MYO7B: variants seen among roughly 807,000 people sequenced by gnomAD.
MYO7B encodes myosin VIIB.
Under a neutral mutation model 259.7 loss-of-function variants are expected in MYO7B, and 212 were observed. That is an observed-to-expected ratio of 0.82 (90% CI 0.73 to 0.91). MYO7B has a LOEUF of 0.91. Ranked by LOEUF, MYO7B falls within the 40% of genes least tolerant of loss-of-function variation. The pLI is 0.00. For missense variants in MYO7B, 2,732 were observed against 2,813.5 expected, an observed-to-expected ratio of 0.97 and a Z score of 0.66; for synonymous variants, 1,197 against 1,166.4, an observed-to-expected ratio of 1.03 and a Z score of -0.54.
chr2:127,588,324 C>T (rs1403155822), intron 14 of MYO7B, 68 bp from the exon 15 acceptor site: 1 of 1,565,130 alleles, frequency 6.4e-7, no homozygotes, highest in Non-Finnish European at 8.7e-7. Flanking sequence ...CCACACTGCC[C>T]TCTTCTTCCC....
intron 15 of MYO7B, among the ~76,000 whole-genome samples, chr2:127,589,129 A>G (rs1253601755): frequency 1.2e-5 from 1 of 84,386 alleles, no homozygotes; most frequent in Admixed American, 1.4e-4. Flanking sequence ...GTGAATGGAT[A>G]GATGGATGGG....
chr2:127,634,842 C>A, intron 42 of MYO7B, 159 bp downstream of exon 42: 1 of 717,238 alleles, frequency 1.4e-6, no homozygotes, highest in South Asian at 1.8e-5. Context: ...CGGTGAGGGC[C>A]AGCTCAGGCA....
At chr2:127,606,512 G>T (rs1330479609) in intron 20 of MYO7B, among the ~76,000 whole-genome samples, 1 of 152,216 alleles carries the variant, frequency 6.6e-6, no homozygotes, top group Non-Finnish European at 1.5e-5. Flanking sequence ...GTTCCTTGGG[G>T]CCTGTTGCTT....
chr2:127,622,872 C>T (rs1357603712), intron 28 of MYO7B, among the ~76,000 whole-genome samples: 1 of 152,228 alleles, frequency 6.6e-6, no homozygotes, highest in East Asian at 1.9e-4. Flanking sequence ...GAGGTGAAGT[C>T]ACTGAACCAC....
intron 24 of MYO7B, 110 bp downstream of exon 24, chr2:127,610,126 G>A: frequency 7.0e-7 from 1 of 1,424,980 alleles, no homozygotes; most frequent in Non-Finnish European, 9.4e-7. Context: ...CTGGAGCCCT[G>A]TCCTCAGCCT....
At position 127,624,257 on chromosome 2, in the gene MYO7B, C is replaced by T. The variant is rs1243197505; in HGVS notation, c.3984C>T (p.Ser1328=). The T allele has an allele frequency of 2.5e-6, 4 of 1,595,702 alleles. No homozygotes were observed. Among genetic ancestry groups the T allele is most frequent in the Non-Finnish European group, 3.4e-6 (4 of 1,171,922 alleles). ...PWHDSREDPV[S]TELIYRQVLR... is the part of the protein sequence containing the mutation. The stretch of plus-strand genomic sequence containing the variant: ...ACGACTCCCGGGAGGACCCTGTCAG[C>T]ACCGAGCTTATTTACCGCCAAGTCC... Residue 1328 remains serine (S), a synonymous_variant, in exon 30 of 48, where the codon AGC becomes AGT. Coordinates refer to ENST00000409816, the MANE Select transcript of MYO7B (RefSeq NM_001393586.1).
Position 127,576,077 on chromosome 2 carries a change from T to C in MYO7B, c.736-518T>C, listed in dbSNP as rs763465597. On this transcript the variant is annotated intron_variant, in intron 7 of 47. Coordinates refer to ENST00000409816, the MANE Select transcript of MYO7B (RefSeq NM_001393586.1). The surrounding 1 kb of genome is among the most constrained non-coding windows in gnomAD (Gnocchi z 4.9). ...AGCCGGACGTGGTGGTGTGTGCCTGTGATCTTAGCTACTTGGTAGGCTGAG... is the reference window on the plus strand; with the variant it reads ...AGCCGGACGTGGTGGTGTGTGCCTGCGATCTTAGCTACTTGGTAGGCTGAG... 1.3e-5 allele frequency among the ~76,000 whole-genome samples: 2 copies of C among 152,134 alleles called. No homozygotes were observed. The highest frequency in any genetic ancestry group is 2.9e-5 in the Non-Finnish European group (2 of 68,018).
intron 26 of MYO7B, among the ~76,000 whole-genome samples, 153 bp downstream of exon 26, chr2:127,612,756 C>T (rs1057452709): frequency 2.0e-5 from 3 of 152,218 alleles, no homozygotes; most frequent in African/African-American, 7.2e-5. Context: ...GTCATAGCTA[C>T]CGAGGGTTCT....
intron 19 of MYO7B, among the ~76,000 whole-genome samples, chr2:127,603,044 T>G (rs1258101508): frequency 6.6e-6 from 1 of 152,132 alleles, no homozygotes; most frequent in Admixed American, 6.6e-5. Context: ...AGTTTTATCA[T>G]GAAATTGCAG....
chr2:127,555,562 T>C (rs1434557207), intron 1 of MYO7B, among the ~76,000 whole-genome samples: 1 of 152,232 alleles, frequency 6.6e-6, no homozygotes, highest in South Asian at 2.1e-4. Flanking sequence ...TAGCATTGCC[T>C]TTGCTGTATC....
chr2:127,567,508 G>T (rs1678405795), intron 5 of MYO7B, among the ~76,000 whole-genome samples: 1 of 152,204 alleles, frequency 6.6e-6, no homozygotes, highest in South Asian at 2.1e-4. Context: ...GGAGGGGAGG[G>T]TGTGGCAGGC....
At position 127,577,160 on chromosome 2, in the gene MYO7B, C is replaced by T. The variant is rs539396102; in HGVS notation, c.849+452C>T. ...ACCTAGGACAGGGCGGCACCACAGC[C>T]ATCGCTCATTAGCTGAGGCTCCCTG... On this transcript the variant is annotated intron_variant, in intron 8 of 47. Coordinates refer to ENST00000409816, the MANE Select transcript of MYO7B (RefSeq NM_001393586.1). The surrounding 1 kb of genome is among the most constrained non-coding windows in gnomAD (Gnocchi z 5.2). Among the ~76,000 whole-genome samples the T allele has an allele frequency of 2.0e-5, 3 of 152,304 alleles. No homozygotes were observed. Among genetic ancestry groups the T allele is most frequent in the Non-Finnish European group, 2.9e-5 (2 of 68,018 alleles).
Position 127,609,934 on chromosome 2 carries a change from G to T in MYO7B, c.3110G>T (p.Gly1037Val), listed in dbSNP as rs376482453. 14 of 1,608,856 alleles carry T rather than the reference G, an allele frequency of 8.7e-6. No individual in the cohort carries two copies. In the South Asian group the frequency reaches 1.5e-4, roughly 18 times the overall value. The change falls in exon 24 of 48, where the codon GGC becomes GTC. Residue 1037 changes from glycine to valine, a missense_variant. This residue lies in a region of MYO7B where 1,906 missense variants were observed against 2,026.4 expected (regional missense o/e 0.94). Coordinates refer to ENST00000409816, the MANE Select transcript of MYO7B (RefSeq NM_001393586.1). This position sits in a 1 kb window ranked among gnomAD's most constrained non-coding sequence, Gnocchi z 6.9. ...CTGTATGCCAGGAGCAGCCAGCAGG[G>T]CAGCTCAGTGATGCGGCAGATCCAT... Reference protein sequence around the residue: ...PVLYARSSQQGSSVMRQIHDT... With the variant: ...PVLYARSSQQVSSVMRQIHDT...
At chr2:127,565,407 T>A (rs1678291349) in intron 4 of MYO7B, 22 bp downstream of exon 4, 1 of 1,611,720 alleles carries the variant, frequency 6.2e-7, no homozygotes, top group African/African-American at 1.3e-5. Context: ...CAGCCCTGTG[T>A]CCACAGGGGA....
At position 127,609,796 on chromosome 2, in the gene MYO7B, G is replaced by A; in HGVS notation, c.3025-53G>A. On this transcript the variant is annotated intron_variant, in intron 23 of 47. Coordinates refer to ENST00000409816, the MANE Select transcript of MYO7B (RefSeq NM_001393586.1). This position sits in a 1 kb window ranked among gnomAD's most constrained non-coding sequence, Gnocchi z 6.9. ...AGCTATGGCTCGGGGAAAGAAGGAA[G>A]GGGCCATAGTCACTGATGGGTTCCC... The A allele has an allele frequency of 6.2e-7, 1 of 1,611,382 alleles. No individual in the cohort carries two copies. The highest frequency in any genetic ancestry group is 8.5e-7 in the Non-Finnish European group (1 of 1,177,742).
At chr2:127,555,282 G>A (rs1227877033) in intron 1 of MYO7B, among the ~76,000 whole-genome samples, 1 of 152,044 alleles carries the variant, frequency 6.6e-6, no homozygotes. Context: ...CTCTCTTCTT[G>A]GTTAATCTTG....
In MYO7B at chr2:127,636,477, A is replaced by G; in HGVS notation, c.6124-68A>G. The G allele has an allele frequency of 6.6e-7, 1 of 1,509,210 alleles. No homozygotes were observed. The highest frequency in any genetic ancestry group is 1.2e-5 in the South Asian group (1 of 85,380). The allele number at this position is 1,509,210 out of a possible 1,614,324, so 93.5% of individuals were successfully genotyped here. ...ATGTGTGTATGTGCGTGTGGCCTAG[A>G]TGAGCTCCTGGGAGGTGCAGCCTGG... On this transcript the variant is annotated intron_variant, in intron 45 of 47. Transcript: ENST00000409816. This position sits in a 1 kb window ranked among gnomAD's most constrained non-coding sequence, Gnocchi z 4.5.
rs1553448471 is a variant in MYO7B, at chr2:127,571,442, G to GTTTTTTTTTTGTTTT, written c.592+1542_592+1543insGTTTTTTTTTTTTTT. On this transcript the variant is annotated intron_variant, in intron 6 of 47. Transcript: ENST00000409816. ...AATTGGTCTATTTCCTTACCAGTGA[G>GTTTTTTTTTTGTTTT]TTTTTTTTTTTTTTTTTGCTTGTTT... Among the ~76,000 whole-genome samples, 11 of 41,962 alleles carry GTTTTTTTTTTGTTTT rather than the reference G, an allele frequency of 2.6e-4. 1 individual carries two copies. Among genetic ancestry groups the GTTTTTTTTTTGTTTT allele is most frequent in the South Asian group, 2.5e-3 (3 of 1,204 alleles). The allele number at this position is 41,962 out of a possible 152,430, so 27.5% of individuals were successfully genotyped here.
chr2:127,596,598 C>T, intron 19 of MYO7B, 42 bp downstream of exon 19: 3 of 1,501,912 alleles, frequency 2.0e-6, no homozygotes, highest in Non-Finnish European at 2.7e-6. Context: ...TACTCCTGCC[C>T]ACAGTGTCCC....
Sources: allele counts gnomAD v4.1 joint callset (sites outside exome capture counted in the v4.1 genomes callset), GRCh38; gene constraint gnomAD v4.1.1; regional missense constraint gnomAD v4.1.1; non-coding constraint Gnocchi (gnomAD v3.1); transcripts MANE v1.5; gene names NCBI Gene and HGNC (gene_info 2026-07-23, HGNC 2026-07-21).